TENM3: variants seen among roughly 807,000 people sequenced by gnomAD.
TENM3 encodes teneurin transmembrane protein 3, also known as teneurin-3.
In TENM3, 63 loss-of-function variants were observed where a neutral mutation model predicts 255.1. The observed-to-expected ratio is 0.25, with a 90% CI of 0.20 to 0.30. The LOEUF (loss-of-function observed/expected upper bound fraction) is 0.30. Among genes scored for constraint, TENM3 ranks in the 10% least tolerant of loss-of-function variants. The pLI, the probability that TENM3 is intolerant of heterozygous loss-of-function variation, is 1.00. For synonymous variants in TENM3, 1,306 were observed against 1,322.3 expected, an observed-to-expected ratio of 0.99 and a Z score of 0.27; for missense variants, 2,929 against 3,461.1, an observed-to-expected ratio of 0.85 and a Z score of 3.86.
chr4:181,570,156 C>T, the TENM3 span, among the ~76,000 whole-genome samples: 1 of 151,462 alleles, frequency 6.6e-6, no homozygotes, highest in African/African-American at 2.4e-5. Context: ...CGCCATTCTC[C>T]TGCCTCAGCC....
chr4:181,620,402 C>A, the TENM3 span, among the ~76,000 whole-genome samples: 1 of 152,134 alleles, frequency 6.6e-6, no homozygotes, highest in Non-Finnish European at 1.5e-5. Flanking sequence ...GTGGAACTGG[C>A]ACGCACAAAA....
At chr4:181,835,750 C>G in the TENM3 span, among the ~76,000 whole-genome samples, 1 of 151,984 alleles carries the variant, frequency 6.6e-6, no homozygotes, top group Admixed American at 6.6e-5. Context: ...GGCAGTAAGA[C>G]CATTAAGGTA....
the TENM3 span, among the ~76,000 whole-genome samples, chr4:181,731,273 G>A: frequency 6.6e-6 from 1 of 152,160 alleles, no homozygotes; most frequent in Non-Finnish European, 1.5e-5. Context: ...TAATACTAAT[G>A]AAGATTCCTT....
chr4:182,312,539 G>A (rs910864462), intron 1 of TENM3, among the ~76,000 whole-genome samples: 2 of 152,118 alleles, frequency 1.3e-5, no homozygotes, highest in African/African-American at 4.8e-5. Flanking sequence ...TTTTTACCTA[G>A]TGTGTTTGAG....
intron 3 of TENM3, among the ~76,000 whole-genome samples, chr4:182,509,789 T>C (rs1186977668): frequency 6.6e-6 from 1 of 151,770 alleles, no homozygotes; most frequent in East Asian, 1.9e-4. Context: ...AATACAAAAC[T>C]AGCTGGGGGT....
intron 3 of TENM3, among the ~76,000 whole-genome samples, chr4:182,483,931 C>A (rs1013037508): frequency 6.6e-6 from 1 of 152,144 alleles, no homozygotes. Flanking sequence ...AGTCCTCCCC[C>A]ATGAGCCAGT....
intron 3 of TENM3, among the ~76,000 whole-genome samples, chr4:182,418,654 C>T (rs1033495417): frequency 3.3e-5 from 5 of 152,180 alleles, no homozygotes; most frequent in African/African-American, 7.2e-5. Flanking sequence ...TCGACCTCCC[C>T]GTGCTCATGT....
chr4:182,214,869 T>TA (rs1665692761), intron 1 of TENM3, among the ~76,000 whole-genome samples: 1 of 152,212 alleles, frequency 6.6e-6, no homozygotes, highest in South Asian at 2.1e-4. Context: ...TCTGTAGTGT[T>TA]AGAGTAGATG....
Position 182,802,992 on chromosome 4 carries a change from C to T in TENM3, c.*2641C>T, listed in dbSNP as rs1231230021. 1 of 152,520 alleles carries T rather than the reference C, an allele frequency of 6.6e-6. No individual in the cohort carries two copies. Among genetic ancestry groups the T allele is most frequent in the Non-Finnish European group, 1.5e-5 (1 of 68,024 alleles). 9.4% of individuals were successfully genotyped at this position (152,520 alleles called of 1,614,324 possible). On this transcript the variant is annotated 3_prime_UTR_variant, in exon 28 of 28. Coordinates refer to ENST00000511685, the MANE Select transcript of TENM3 (RefSeq NM_001080477.4). ...CATAACTTGATGACTATAGATTGCACCTAGGCATTCCAATAAAAGCCAACC... is the reference window on the plus strand; with the variant it reads ...CATAACTTGATGACTATAGATTGCATCTAGGCATTCCAATAAAAGCCAACC...
chr4:181,943,919 C>T, the TENM3 span, among the ~76,000 whole-genome samples: 1 of 152,140 alleles, frequency 6.6e-6, no homozygotes, highest in African/African-American at 2.4e-5. Context: ...TCTCGCCACA[C>T]AGAACCTCAA....
chr4:182,602,490 C>T (rs1338157817), intron 4 of TENM3, among the ~76,000 whole-genome samples: 1 of 152,226 alleles, frequency 6.6e-6, no homozygotes, highest in Admixed American at 6.5e-5. Flanking sequence ...GAGGTCCCCA[C>T]AGTTAGTTGT....
At chr4:182,189,360 G>T (rs6851771) in intron 1 of TENM3, among the ~76,000 whole-genome samples, 4 of 151,958 alleles carry the variant, frequency 2.6e-5, no homozygotes, top group African/African-American at 9.7e-5. Flanking sequence ...GTGAAGCACA[G>T]ACTCCATAAT....
At chr4:181,849,449 T>C in the TENM3 span, among the ~76,000 whole-genome samples, 1 of 152,196 alleles carries the variant, frequency 6.6e-6, no homozygotes, top group Non-Finnish European at 1.5e-5. Context: ...CATTTTCCTA[T>C]TGTTGTCACA....
At chr4:181,613,690 G>A in the TENM3 span, among the ~76,000 whole-genome samples, 15,170 of 152,198 alleles carry the variant, frequency 0.1, 949 homozygotes, top group African/African-American at 0.17. Flanking sequence ...GTGAAATAAC[G>A]TAAAAAGCTT....
At chr4:181,704,260 G>A in the TENM3 span, among the ~76,000 whole-genome samples, 1 of 152,102 alleles carries the variant, frequency 6.6e-6, no homozygotes. Flanking sequence ...AACCTCCTCA[G>A]CTCCAGGGTC....
At chr4:181,690,240 G>GCGCA in the TENM3 span, among the ~76,000 whole-genome samples, 2 of 150,450 alleles carry the variant, frequency 1.3e-5, no homozygotes, top group South Asian at 2.1e-4. Context: ...GCGTGAGCGT[G>GCGCA]CACACACACA....
the TENM3 span, among the ~76,000 whole-genome samples, chr4:182,119,281 T>C: frequency 6.6e-4 from 100 of 152,284 alleles, 1 homozygote; most frequent in South Asian, 0.02. Flanking sequence ...CCTCTCTCCC[T>C]GCCGAAGCAC....
the TENM3 span, among the ~76,000 whole-genome samples, chr4:181,676,439 C>G: frequency 5.3e-5 from 8 of 152,002 alleles, no homozygotes; most frequent in East Asian, 1.4e-3. Flanking sequence ...AAATTGTGTG[C>G]TGCTGAGGTT....
At chr4:181,572,612 A>G in the TENM3 span, among the ~76,000 whole-genome samples, 14 of 152,080 alleles carry the variant, frequency 9.2e-5, no homozygotes, top group African/African-American at 3.4e-4. Flanking sequence ...TTTTGATGGA[A>G]CAAAGTATGT....
Sources: allele counts gnomAD v4.1 joint callset (sites outside exome capture counted in the v4.1 genomes callset), GRCh38; gene constraint gnomAD v4.1.1; transcripts MANE v1.5; gene names NCBI Gene and HGNC (gene_info 2026-07-23, HGNC 2026-07-21).